Variants in C8orf34 observed in about 807,000 individuals in gnomAD.
C8orf34 encodes uncharacterized protein C8orf34.
Under a neutral mutation model 68.3 loss-of-function variants are expected in C8orf34, and 65 were observed. That is an observed-to-expected ratio of 0.95 (90% CI 0.78 to 1.17). C8orf34 has a LOEUF of 1.17. Among genes scored for constraint, C8orf34 ranks in the 50% most tolerant of loss-of-function variants. The probability of loss-of-function intolerance (pLI) is 0.00; values close to 1 mark genes in which losing one functional copy is unlikely to be tolerated. For synonymous variants in C8orf34, 244 were observed against 241.2 expected (o/e 1.01, Z -0.11); for missense variants, 664 against 655.4 (o/e 1.01, Z -0.14).
At chr8:68,428,304 G>A (rs891771818) in intron 1 of C8orf34, among the ~76,000 whole-genome samples, 2 of 152,000 alleles carry the variant, frequency 1.3e-5, no homozygotes, top group African/African-American at 4.8e-5. Flanking sequence ...TGGCAAATAC[G>A]TGGGTACATC....
chr8:68,731,824 G>T (rs1821986572), intron 10 of C8orf34, among the ~76,000 whole-genome samples: 2 of 152,278 alleles, frequency 1.3e-5, no homozygotes, highest in South Asian at 2.1e-4. Flanking sequence ...ATAACATAGA[G>T]TTGCCATACG....
chr8:68,678,757 A>G (rs1820270075), intron 8 of C8orf34, among the ~76,000 whole-genome samples: 1 of 152,120 alleles, frequency 6.6e-6, no homozygotes, highest in Non-Finnish European at 1.5e-5. Flanking sequence ...ATCAGATAAG[A>G]AAAAGACACA....
intron 1 of C8orf34, among the ~76,000 whole-genome samples, chr8:68,392,338 C>G (rs1409280303): frequency 1.3e-5 from 2 of 151,740 alleles, no homozygotes; most frequent in African/African-American, 2.4e-5. Flanking sequence ...AAAGCTGTTG[C>G]TAATATATAT....
At chr8:68,660,903 G>T (rs186108547) in intron 8 of C8orf34, among the ~76,000 whole-genome samples, 4 of 152,206 alleles carry the variant, frequency 2.6e-5, no homozygotes, top group East Asian at 1.9e-4. Context: ...TACAAAAAGG[G>T]GGGGGAAAAA....
At chr8:68,576,116 C>T (rs908959750) in intron 7 of C8orf34, among the ~76,000 whole-genome samples, 1 of 151,256 alleles carries the variant, frequency 6.6e-6, no homozygotes, top group African/African-American at 2.4e-5. Context: ...AGATCATTTA[C>T]TTACCACCAA....
At chr8:68,416,104 T>A (rs1207217660) in intron 1 of C8orf34, among the ~76,000 whole-genome samples, 1 of 152,342 alleles carries the variant, frequency 6.6e-6, no homozygotes, top group East Asian at 1.9e-4. Context: ...TTAACCAAAC[T>A]ATGTGAGCAG....
chr8:68,592,226 T>A (rs1029599072), intron 7 of C8orf34, among the ~76,000 whole-genome samples: 3 of 74,892 alleles, frequency 4.0e-5, no homozygotes, highest in African/African-American at 1.7e-4. Flanking sequence ...ATATATTTAA[T>A]TTTTTATTCC....
intron 3 of C8orf34, among the ~76,000 whole-genome samples, chr8:68,458,248 T>C (rs1382304322): frequency 1.3e-5 from 2 of 152,330 alleles, no homozygotes; most frequent in Admixed American, 6.5e-5. Flanking sequence ...CATATAATTT[T>C]CCCAAAACTC....
intron 5 of C8orf34, among the ~76,000 whole-genome samples, chr8:68,514,216 C>T (rs1291210951): frequency 1.3e-5 from 2 of 152,136 alleles, no homozygotes; most frequent in African/African-American, 4.8e-5. Context: ...CCTCACAGTT[C>T]AGATCCCAGC....
chr8:68,340,832 A>C (rs1806039539), intron 1 of C8orf34, among the ~76,000 whole-genome samples: 1 of 152,202 alleles, frequency 6.6e-6, no homozygotes, highest in African/African-American at 2.4e-5. Context: ...AAACCAGACA[A>C]AAACTGTACA....
intron 8 of C8orf34, among the ~76,000 whole-genome samples, chr8:68,688,513 C>T (rs1820591793): frequency 6.6e-6 from 1 of 152,108 alleles, no homozygotes; most frequent in Admixed American, 6.6e-5. Context: ...TATAAAGATA[C>T]ATGCGCACGT....
At chr8:68,510,457 A>C (rs1366288402) in intron 5 of C8orf34, among the ~76,000 whole-genome samples, 1 of 152,192 alleles carries the variant, frequency 6.6e-6, no homozygotes, top group Non-Finnish European at 1.5e-5. Flanking sequence ...TACATTAGCT[A>C]TTCCTCTTGT....
rs879420772 is a variant in C8orf34 at position 68,660,900 on chromosome 8, A to AG, written c.1241+20397dup. Among the ~76,000 whole-genome samples the AG allele has an allele frequency of 1.1e-3, 170 of 149,920 alleles. 1 individual carries two copies. The highest frequency in any genetic ancestry group is 8.6e-3 in the South Asian group (40 of 4,626). On this transcript the variant is annotated intron_variant, in intron 8 of 13. Coordinates refer to ENST00000518698, the MANE Select transcript of C8orf34 (RefSeq NM_052958.4). ...GTTAACTCCTGACATAGCTACAAAA[A>AG]GGGGGGGGAAAAACAACAGCTACAG...
intron 1 of C8orf34, among the ~76,000 whole-genome samples, chr8:68,427,220 C>CA (rs1414793264): frequency 1.3e-5 from 2 of 151,592 alleles, no homozygotes; most frequent in Non-Finnish European, 2.9e-5. Context: ...CTCATGTGTA[C>CA]AAAAAAACCT....
At chr8:68,387,115 T>C (rs923509368) in intron 1 of C8orf34, among the ~76,000 whole-genome samples, 6 of 152,070 alleles carry the variant, frequency 3.9e-5, no homozygotes, top group African/African-American at 1.2e-4. Context: ...ATCTGGCTCA[T>C]GGTGCATGTG....
chr8:68,332,025 C>T (rs1805633204), intron 1 of C8orf34, among the ~76,000 whole-genome samples: 1 of 150,902 alleles, frequency 6.6e-6, no homozygotes, highest in Non-Finnish European at 1.5e-5. Context: ...GAGAAAGGGA[C>T]GGAGAAAGGT....
chr8:68,753,944 G>A (rs1822779500), intron 10 of C8orf34, among the ~76,000 whole-genome samples: 1 of 152,128 alleles, frequency 6.6e-6, no homozygotes, highest in South Asian at 2.1e-4. Flanking sequence ...CCCTTTCAGT[G>A]GCTGCTGGAG....
intron 3 of C8orf34, among the ~76,000 whole-genome samples, chr8:68,459,860 G>A (rs1161099601): frequency 1.3e-5 from 2 of 152,204 alleles, no homozygotes; most frequent in Non-Finnish European, 2.9e-5. Context: ...CAGTGTGAGT[G>A]ACGCAGAAGA....
intron 8 of C8orf34, among the ~76,000 whole-genome samples, chr8:68,661,818 T>C (rs1469608919): frequency 2.6e-5 from 4 of 152,082 alleles, no homozygotes; most frequent in African/African-American, 9.7e-5. Context: ...TTCCTTACTG[T>C]CTGCCTAAAG....
Sources: allele counts gnomAD v4.1 joint callset (sites outside exome capture counted in the v4.1 genomes callset), GRCh38; gene constraint gnomAD v4.1.1; transcripts MANE v1.5; gene names NCBI Gene and HGNC (gene_info 2026-07-23, HGNC 2026-07-21).